NPHP1: variants seen among roughly 807,000 people sequenced by gnomAD.
NPHP1 encodes nephrocystin 1.
Under a neutral mutation model 90.4 loss-of-function variants are expected in NPHP1, and 70 were observed. The ratio of observed to expected loss-of-function variants is 0.77; its 90% CI spans 0.64 to 0.95. NPHP1 has a LOEUF of 0.95. Ranked by LOEUF, NPHP1 falls within the 40% of genes least tolerant of loss-of-function variation. The pLI, the probability that NPHP1 is intolerant of heterozygous loss-of-function variation, is 0.00. For synonymous variants in NPHP1, 256 were observed against 271.7 expected (o/e 0.94, Z 0.57); for missense variants, 764 against 795.9 (o/e 0.96, Z 0.48).
intron 16 of NPHP1, among the ~76,000 whole-genome samples, chr2:110,133,792 G>T (rs985696412): frequency 1.3e-5 from 2 of 151,766 alleles, no homozygotes; most frequent in African/African-American, 4.8e-5. Context: ...ATGGCTCAAA[G>T]AAGAAATCTC....
chr2:110,144,680 G>A, intron 14 of NPHP1, 111 bp from the exon 15 acceptor site: 1 of 721,284 alleles, frequency 1.4e-6, no homozygotes, highest in South Asian at 1.5e-5. Context: ...TTTCATTTAT[G>A]CCTCGTTGGT....
At position 110,182,624 on chromosome 2, in the gene NPHP1, G is replaced by T. The variant is rs1046107802; in HGVS notation, c.144-2940C>A. On this transcript the variant is annotated intron_variant, in intron 2 of 19. Transcript: ENST00000445609. Reference sequence around the variant, plus strand: ...AATTTGTCACCACCAGGCCTGCCCTGCAAGAGCTCCTGAAGGAAGGACTAA... The same window carrying T: ...AATTTGTCACCACCAGGCCTGCCCTTCAAGAGCTCCTGAAGGAAGGACTAA... 3.3e-5 allele frequency among the ~76,000 whole-genome samples: 5 copies of T among 152,108 alleles called. No homozygotes were observed. In the South Asian group the frequency reaches 1.0e-3, roughly 32 times the overall value.
At chr2:110,196,784 G>C (rs1302692242) in intron 2 of NPHP1, among the ~76,000 whole-genome samples, 3 of 152,108 alleles carry the variant, frequency 2.0e-5, no homozygotes, top group African/African-American at 7.2e-5. Context: ...ACTGGATTAA[G>C]AAAATGTGGC....
chr2:110,178,541 C>A lies in NPHP1; in HGVS notation c.211G>T (p.Glu71Ter). The change falls in exon 4 of 20, where the codon GAA becomes TAA. Residue 71 changes from glutamate (E) to a stop codon, truncating the protein, a stop_gained. Transcript: ENST00000445609. LOFTEE classifies it high-confidence loss of function. ...NALQKLSKADESAPVANYNQR... is the reference protein window; with the variant it reads ...NALQKLSKAD ...TTATAGTTTGCAACAGGTGCAGATT[C>A]ATCAGCCTATGAGAGAATATAGGTC... 1 of 1,613,292 alleles carries A rather than the reference C, an allele frequency of 6.2e-7. No homozygotes were observed. Among genetic ancestry groups the A allele is most frequent in the African/African-American group, 1.3e-5 (1 of 74,998 alleles).
At chr2:110,128,384 T>G (rs1679522517) in intron 18 of NPHP1, 1 of 152,160 alleles carries the variant, frequency 6.6e-6, no homozygotes, top group African/African-American at 2.4e-5. Flanking sequence ...CTTGCCCATC[T>G]ACCAACCACT....
intron 16 of NPHP1, among the ~76,000 whole-genome samples, chr2:110,136,117 C>T (rs1441311031): frequency 6.6e-6 from 1 of 152,174 alleles, no homozygotes; most frequent in Admixed American, 6.5e-5. Context: ...TGACAAAATT[C>T]AACATCCCTT....
At chr2:110,183,537 A>G (rs1248231641) in intron 2 of NPHP1, among the ~76,000 whole-genome samples, 1 of 152,144 alleles carries the variant, frequency 6.6e-6, no homozygotes, top group Non-Finnish European at 1.5e-5. Flanking sequence ...GAAAGCTGTG[A>G]GACCCCTGAT....
intron 18 of NPHP1, chr2:110,126,119 A>G (rs1440407438): frequency 5.0e-6 from 1 of 200,608 alleles, no homozygotes; most frequent in African/African-American, 2.3e-5. Context: ...CTGAAGTACA[A>G]TTTTGTGAGT....
At chr2:110,166,289 C>T (rs1485842557) in intron 6 of NPHP1, among the ~76,000 whole-genome samples, 3 of 152,298 alleles carry the variant, frequency 2.0e-5, no homozygotes, top group Middle Eastern at 3.4e-3. Flanking sequence ...CAAAGATGCA[C>T]GCAGGCTTGA....
intron 17 of NPHP1, 129 bp downstream of exon 17, chr2:110,131,550 A>G (rs1157772264): frequency 1.0e-5 from 7 of 692,812 alleles, no homozygotes; most frequent in Admixed American, 2.1e-5. Context: ...ATGTATTAAC[A>G]TCAATGCTGT....
At position 110,204,955 on chromosome 2, in the gene NPHP1, C is replaced by A. The variant is rs190983114; in HGVS notation, c.14G>T (p.Arg5Leu). 2,933 of 1,614,002 alleles carry A rather than the reference C, an allele frequency of 1.8e-3. 71 individuals are homozygous for A. In the Admixed American group the frequency reaches 0.045, roughly 25 times the overall value. Residue 5 changes from arginine to leucine, a missense_variant, in exon 1 of 20, where the codon CGA (arginine) becomes CTA (leucine). Coordinates refer to ENST00000445609, the MANE Select transcript of NPHP1 (RefSeq NM_001128178.3). MLAR[R>L]QRDPLQALRR... ...CAGGGCCTGGAGAGGATCTCGCTGTCGTCTCGCCAGCATCTCCCTGGCTGC... is the reference window on the plus strand; with the variant it reads ...CAGGGCCTGGAGAGGATCTCGCTGTAGTCTCGCCAGCATCTCCCTGGCTGC...
intron 17 of NPHP1, among the ~76,000 whole-genome samples, chr2:110,129,649 G>T (rs1006746519): frequency 6.6e-6 from 1 of 152,172 alleles, no homozygotes; most frequent in Non-Finnish European, 1.5e-5. Context: ...GGAAGCATTG[G>T]GGGGAAAGGA....
At chr2:110,135,181 C>A (rs376908636) in intron 16 of NPHP1, among the ~76,000 whole-genome samples, 9 of 151,966 alleles carry the variant, frequency 5.9e-5, no homozygotes, top group African/African-American at 1.9e-4. Flanking sequence ...AAACAATTTA[C>A]AATAGCATCA....
intron 17 of NPHP1, among the ~76,000 whole-genome samples, chr2:110,130,916 G>A (rs201852469): frequency 6.6e-6 from 1 of 152,270 alleles, no homozygotes; most frequent in East Asian, 1.9e-4. Flanking sequence ...CAAAAGGGTG[G>A]AGAGGATTAT....
At chr2:110,194,065 A>G (rs1459131615) in intron 2 of NPHP1, among the ~76,000 whole-genome samples, 1 of 152,182 alleles carries the variant, frequency 6.6e-6, no homozygotes, top group Non-Finnish European at 1.5e-5. Flanking sequence ...GGAAAGAAAT[A>G]AAATTGACAC....
At chr2:110,129,648 G>T (rs1286644105) in intron 17 of NPHP1, among the ~76,000 whole-genome samples, 1 of 152,164 alleles carries the variant, frequency 6.6e-6, no homozygotes, top group Non-Finnish European at 1.5e-5. Flanking sequence ...AGGAAGCATT[G>T]GGGGGAAAGG....
rs759936705 is a variant in NPHP1, at chr2:110,147,954, C to T, written c.1231G>A (p.Gly411Arg). The T allele has an allele frequency of 1.2e-5, 20 of 1,609,116 alleles. No homozygotes were observed. Among genetic ancestry groups the T allele is most frequent in the Non-Finnish European group, 1.7e-5 (20 of 1,175,482 alleles). Residue 411 changes from glycine to arginine, a missense_variant, in exon 13 of 20, where the codon GGA becomes AGA. By Grantham distance (125) the Gly-to-Arg change is moderately radical (BLOSUM62 -2). Coordinates refer to ENST00000445609, the MANE Select transcript of NPHP1 (RefSeq NM_001128178.3). ...IRSNSASPDL[G>R]ILFELGISYI... ...GAAATTCCAAGTTCAAATAATATTC[C>T]AAGATCTGGAGATGCAGAATTAGAC...
In NPHP1 at chr2:110,204,908, T is replaced by C. The variant is rs1033790263; in HGVS notation, c.61A>G (p.Lys21Glu). The C allele has an allele frequency of 1.3e-5, 21 of 1,613,858 alleles. No individual in the cohort carries two copies. The African/African-American group carries it at 2.7e-4, about 21-fold the overall frequency. Residue 21 changes from lysine to glutamate, a missense_variant, in exon 1 of 20, where the codon AAG becomes GAG. Lys to Glu is a moderately conservative substitution (Grantham distance 56). Transcript: ENST00000445609. ...QALRRRNQELKQQVDSLLSES... is the reference protein window; with the variant it reads ...QALRRRNQELEQQVDSLLSES... ...GCACAGCCTGACCATACCTGTTGCT[T>C]CAGCTCCTGATTGCGGCGCCGCAGG...
At chr2:110,174,682 A>C (rs550832851) in intron 4 of NPHP1, among the ~76,000 whole-genome samples, 12 of 152,180 alleles carry the variant, frequency 7.9e-5, no homozygotes, top group Admixed American at 5.9e-4. Context: ...AGCAGCAAAA[A>C]ATTTGAGTTG....
Sources: allele counts gnomAD v4.1 joint callset (sites outside exome capture counted in the v4.1 genomes callset), GRCh38; gene constraint gnomAD v4.1.1; transcripts MANE v1.5; gene names NCBI Gene and HGNC (gene_info 2026-07-23, HGNC 2026-07-21).